MYOM2: variants seen among roughly 807,000 people sequenced by gnomAD.
MYOM2 encodes myomesin-2.
Under a neutral mutation model 187.6 loss-of-function variants are expected in MYOM2, and 254 were observed. That is an observed-to-expected ratio of 1.35 (90% confidence interval 1.22 to 1.50). MYOM2 has a LOEUF of 1.50. Ranked by LOEUF, MYOM2 falls within the 40% of genes most tolerant of loss-of-function variation. The pLI is 0.00. For missense variants in MYOM2, 2,796 were observed against 1,924.0 expected (o/e 1.45, Z -8.48); for synonymous variants, 981 against 753.8 (o/e 1.30, Z -4.94).
intron 27 of MYOM2, among the ~76,000 whole-genome samples, chr8:2,116,838 A>G (rs983823825): frequency 2.0e-5 from 3 of 152,072 alleles, no homozygotes; most frequent in Non-Finnish European, 4.4e-5. Flanking sequence ...GCTCACTGCA[A>G]GCTCCGCCTC....
chr8:2,099,263 G>A lies in MYOM2; in HGVS notation c.2440+280G>A, dbSNP rs73186743. ...GGAGCACAGGAGGACCCAGACTGTG[G>A]GGAGAGGGACAGCTTCCCATGCATC... is the stretch of plus-strand genomic sequence containing the variant. On this transcript the variant is annotated intron_variant, in intron 19 of 36. Coordinates refer to ENST00000262113, the MANE Select transcript of MYOM2 (RefSeq NM_003970.4). Among the ~76,000 whole-genome samples, 11,839 of 152,288 alleles carry A rather than the reference G, an allele frequency of 0.078. 633 individuals carry two copies. Among genetic ancestry groups the A allele is most frequent in the East Asian group, 0.19 (976 of 5,170 alleles).
chr8:2,084,995 C>G, intron 13 of MYOM2: 1 of 425,438 alleles, frequency 2.4e-6, no homozygotes, highest in South Asian at 4.1e-5. Flanking sequence ...TCCCCCTCTT[C>G]CAACAGAATC....
intron 16 of MYOM2, among the ~76,000 whole-genome samples, chr8:2,092,790 C>T (rs777301865): frequency 1.2e-4 from 18 of 152,048 alleles, no homozygotes; most frequent in Non-Finnish European, 1.6e-4. Context: ...ATAATTAGCA[C>T]TTAGGCCTTT....
intron 23 of MYOM2, among the ~76,000 whole-genome samples, chr8:2,107,249 C>T (rs1796925696): frequency 6.6e-6 from 1 of 152,122 alleles, no homozygotes; most frequent in Non-Finnish European, 1.5e-5. Context: ...CAGCGTCAGC[C>T]TTAGACATTT....
At chr8:2,125,056 T>G (rs1262285906) in intron 31 of MYOM2, among the ~76,000 whole-genome samples, 1 of 152,192 alleles carries the variant, frequency 6.6e-6, no homozygotes, top group Non-Finnish European at 1.5e-5. Context: ...TTTTGTCAAT[T>G]GTTTTCTTTA....
At chr8:2,101,474 G>C (rs748683119) in intron 20 of MYOM2, among the ~76,000 whole-genome samples, 16 of 152,232 alleles carry the variant, frequency 1.1e-4, no homozygotes, top group Non-Finnish European at 1.0e-4. Context: ...CCAGCACCGA[G>C]CCCCGAGGTG....
intron 31 of MYOM2, among the ~76,000 whole-genome samples, chr8:2,128,564 G>T (rs1053834086): frequency 6.6e-6 from 1 of 152,112 alleles, no homozygotes; most frequent in African/African-American, 2.4e-5. Flanking sequence ...TACCTCAAGC[G>T]AATTAGTCTT....
In MYOM2 at chr8:2,118,040, C is replaced by A. The variant is rs143693688; in HGVS notation, c.3453+88C>A. The A allele has an allele frequency of 2.6e-4, 301 of 1,177,640 alleles. 4 individuals are homozygous for A. The East Asian group carries it at 6.2e-3, about 24-fold the overall frequency. The allele number at this position is 1,177,640 out of a possible 1,614,324, so 72.9% of individuals were successfully genotyped here. A position where few individuals can be genotyped will look rare whatever the true frequency, so the allele number is the denominator to read the frequency against. ...TTTCAGGGAGTAGCTGTGGCCAGAT[C>A]TGTGATGCTGGTGAGGAAACGTGTG... On this transcript the variant is annotated intron_variant, in intron 28 of 36. Coordinates refer to ENST00000262113, the MANE Select transcript of MYOM2 (RefSeq NM_003970.4).
chr8:2,085,506 C>CTCTGCGTGGCCCCCTACTGTTGTGA, intron 14 of MYOM2, 116 bp downstream of exon 14: 1 of 1,065,220 alleles, frequency 9.4e-7, no homozygotes, highest in Non-Finnish European at 1.3e-6. Flanking sequence ...CTGTTGTGAT[C>CTCTGCGTGGCCCCCTACTGTTGTGA]TCCGCGTGGC....
At chr8:2,089,949 C>G (rs1796238494) in intron 14 of MYOM2, 59 bp from the exon 15 acceptor site, 1 of 1,538,576 alleles carries the variant, frequency 6.5e-7, no homozygotes, top group Middle Eastern at 1.7e-4. Flanking sequence ...TCCTCCTCCA[C>G]ACGCCTCTGG....
intron 4 of MYOM2, 25 bp from the exon 5 acceptor site, chr8:2,057,598 T>C: frequency 1.9e-6 from 3 of 1,613,558 alleles, no homozygotes; most frequent in Non-Finnish European, 2.5e-6. Flanking sequence ...CCTGGGAACC[T>C]GACCATCCTT....
At chr8:2,134,438 T>C (rs902524818) in intron 32 of MYOM2, among the ~76,000 whole-genome samples, 3 of 152,220 alleles carry the variant, frequency 2.0e-5, no homozygotes, top group Admixed American at 1.3e-4. Flanking sequence ...CGTCTCTTCC[T>C]GGGAACGTTA....
rs898515823 is a variant in MYOM2 at position 2,063,419 on chromosome 8, A to C, written c.653+4174A>C. 3.3e-5 allele frequency among the ~76,000 whole-genome samples: 5 copies of C among 152,140 alleles called. No individual in the cohort carries two copies. The South Asian group carries it at 1.0e-3, about 31-fold the overall frequency. ...CCCCCTTGGTACTATTTTATTTTAA[A>C]TTTGTAATTGACACTGTTTTATATG... On this transcript the variant is annotated intron_variant, in intron 6 of 36. Coordinates refer to ENST00000262113, the MANE Select transcript of MYOM2 (RefSeq NM_003970.4).
chr8:2,125,191 G>A (rs941411567), intron 31 of MYOM2, among the ~76,000 whole-genome samples: 8 of 152,122 alleles, frequency 5.3e-5, no homozygotes, highest in Admixed American at 3.9e-4. Context: ...TCTCCCCCAC[G>A]AGCTTCCTTC....
chr8:2,140,563 T>C (rs1798238658), intron 32 of MYOM2, among the ~76,000 whole-genome samples, 160 bp from the exon 33 acceptor site: 1 of 152,232 alleles, frequency 6.6e-6, no homozygotes, highest in Admixed American at 6.5e-5. Flanking sequence ...TCTGAGTTAC[T>C]GATGTGGTCA....
Position 2,073,352 on chromosome 8 carries a change from A to G in MYOM2, c.972A>G (p.Lys324=). Residue 324 remains lysine, a synonymous_variant, in exon 10 of 37, where the codon AAA becomes AAG. Transcript: ENST00000262113. ...ACGCTCTTTCAGACGTGCTGTTGAA[A>G]GAGTCCAAGTGGACGAAGATGTTCT... ...AEWYRDDVLL[K]ESKWTKMFFG... is the part of the protein sequence containing the mutation. 6.2e-7 allele frequency: 1 copy of G among 1,608,206 alleles called. No individual in the cohort carries two copies. Among genetic ancestry groups the G allele is most frequent in the Non-Finnish European group, 8.5e-7 (1 of 1,176,948 alleles).
chr8:2,067,798 C>T (rs75637943), intron 6 of MYOM2, among the ~76,000 whole-genome samples: 1 of 152,062 alleles, frequency 6.6e-6, no homozygotes, highest in Non-Finnish European at 1.5e-5. Context: ...ATCAGTGTCT[C>T]AGGTGGAGTC....
In MYOM2 at chr8:2,132,224, T is replaced by C. The variant is rs189560944; in HGVS notation, c.3800+2992T>C. Among the ~76,000 whole-genome samples, 366 of 149,052 alleles carry C rather than the reference T, an allele frequency of 2.5e-3. 1 individual carries two copies. Among genetic ancestry groups the C allele is most frequent in the African/African-American group, 8.4e-3 (328 of 39,002 alleles). ...GAGTGGAGCTGCCAAAGACTGGTGC[T>C]GTGGGTCCTGGAATATTTTGTGTTA... On this transcript the variant is annotated intron_variant, in intron 32 of 36. Coordinates refer to ENST00000262113, the MANE Select transcript of MYOM2 (RefSeq NM_003970.4).
chr8:2,087,623 A>C (rs931357426), intron 14 of MYOM2, among the ~76,000 whole-genome samples: 4 of 151,886 alleles, frequency 2.6e-5, no homozygotes, highest in Admixed American at 6.6e-5. Context: ...TTTTGTTTTT[A>C]TTTTTGAGAC....
Sources: gnomAD v4.1 joint callset for allele counts (sites outside exome capture counted in the v4.1 genomes callset) on GRCh38, gnomAD v4.1.1 for gene constraint, MANE v1.5 for transcripts, NCBI Gene and HGNC (gene_info 2026-07-23, HGNC 2026-07-21) for gene names.